The following RILPL2 variants were observed in gnomAD, a reference collection of about 807,000 sequenced individuals.
RILPL2 encodes Rab interacting lysosomal protein like 2.
A neutral mutation model predicts 22.2 loss-of-function variants in RILPL2; 19 were observed. That is an observed-to-expected ratio of 0.86 (90% confidence interval 0.60 to 1.25). The LOEUF is 1.25. Ranked by LOEUF, RILPL2 falls within the 50% of genes most tolerant of loss-of-function variation. The probability of loss-of-function intolerance (pLI) is 0.00; values close to 1 mark genes in which losing one functional copy is unlikely to be tolerated. For missense variants in RILPL2, 243 were observed against 263.6 expected, an observed-to-expected ratio of 0.92 and a Z score of 0.54; for synonymous variants, 123 against 111.6, an observed-to-expected ratio of 1.10 and a Z score of -0.64.
chr12:123,423,067 C>T lies in RILPL2; in HGVS notation c.582G>A (p.Glu194=), dbSNP rs765636820. Reference sequence around the variant, plus strand: ...ACAGCTTTTTTATGATTGTCTTCTCCTCCTTGTTCCTGCCAGCATTTTTGG... The same window carrying T: ...ACAGCTTTTTTATGATTGTCTTCTCTTCCTTGTTCCTGCCAGCATTTTTGG... ...TSAKNAGRNK[E]EKTIIKKLFF... The change falls in exon 3 of 4, where the codon GAG becomes GAA. Residue 194 remains glutamate, a synonymous_variant. Transcript: ENST00000280571. The T allele has an allele frequency of 3.1e-6, 5 of 1,613,210 alleles. No individual in the cohort carries two copies. The African/African-American group carries it at 5.3e-5, about 17-fold the overall frequency.
the RILPL2 span, among the ~76,000 whole-genome samples, chr12:123,409,544 T>G: frequency 6.7e-6 from 1 of 148,194 alleles, no homozygotes; most frequent in African/African-American, 2.6e-5. Flanking sequence ...AGATTAAAAG[T>G]TAATGCTTTT....
At chr12:123,415,948 G>A in intron 3 of RILPL2, 27 bp from the exon 4 acceptor site, 1 of 1,613,858 alleles carries the variant, frequency 6.2e-7, no homozygotes, top group Non-Finnish European at 8.5e-7. Context: ...GAGGGTTCAG[G>A]GTAAGCAGAA....
intron 2 of RILPL2, among the ~76,000 whole-genome samples, chr12:123,430,282 G>A (rs1054974370): frequency 9.2e-5 from 14 of 151,394 alleles, no homozygotes; most frequent in East Asian, 3.9e-4. Context: ...GGTGGCGGGC[G>A]CCTGTAGTCC....
intron 2 of RILPL2, among the ~76,000 whole-genome samples, chr12:123,428,177 C>T (rs1879496000): frequency 6.6e-6 from 1 of 152,166 alleles, no homozygotes. Context: ...CGCTCTTCCG[C>T]CCAGGCTGGA....
chr12:123,436,322 G>T lies in RILPL2; in HGVS notation c.99C>A (p.Pro33=). Residue 33 remains proline (P), a synonymous_variant, in exon 1 of 4, where the codon CCC becomes CCA. Transcript: ENST00000280571. This position sits in a 1 kb window ranked among gnomAD's most constrained non-coding sequence, Gnocchi z 6.7. ...VGPEGALGKS[P]FQLTAEDVYD... is the part of the protein sequence containing the mutation. ...ACACGTCCTCGGCGGTCAGCTGGAA[G>T]GGGCTCTTGCCCAGCGCCCCCTCGG... 6.3e-7 allele frequency: 1 copy of T among 1,580,042 alleles called. No homozygotes were observed. The highest frequency in any genetic ancestry group is 1.8e-5 in the Admixed American group (1 of 54,264).
rs182259999 is a variant in RILPL2 at position 123,422,309 on chromosome 12, A to C, written c.605+735T>G. On this transcript the variant is annotated intron_variant, in intron 3 of 3. Transcript: ENST00000280571. ...AGGCTGAGGCAGGTTGGTCACGAGG[A>C]GTTCAAGACCAGCCTGTCCAACATG... 3.3e-3 allele frequency among the ~76,000 whole-genome samples: 496 copies of C among 152,068 alleles called. 1 individual carries two copies. The highest frequency in any genetic ancestry group is 0.011 in the African/African-American group (466 of 41,516).
Position 123,431,537 on chromosome 12 carries a change from A to G in RILPL2, c.340-878T>C, listed in dbSNP as rs368035082. The stretch of plus-strand genomic sequence containing the variant: ...TGAACTGTACACTTAAAAATAGTTA[A>G]GATGGGCCGGGCACGGTGGCTCACG... On this transcript the variant is annotated intron_variant, in intron 1 of 3. Coordinates refer to ENST00000280571, the MANE Select transcript of RILPL2 (RefSeq NM_145058.3). 1.4e-3 allele frequency among the ~76,000 whole-genome samples: 212 copies of G among 152,202 alleles called. 7 individuals are homozygous for G. In the South Asian group the frequency reaches 0.044, roughly 31 times the overall value.
At chr12:123,424,989 C>T (rs1879400978) in intron 2 of RILPL2, among the ~76,000 whole-genome samples, 1 of 152,152 alleles carries the variant, frequency 6.6e-6, no homozygotes, top group Admixed American at 6.5e-5. Context: ...ACGCCATTCT[C>T]CTGCCTCAGC....
intron 2 of RILPL2, among the ~76,000 whole-genome samples, chr12:123,425,206 C>T (rs1441752304): frequency 6.6e-6 from 1 of 150,834 alleles, no homozygotes; most frequent in East Asian, 1.9e-4. Flanking sequence ...GATGGAGTTT[C>T]ACTATTGTTG....
chr12:123,430,272 G>C (rs573941874), intron 2 of RILPL2, among the ~76,000 whole-genome samples: 1 of 151,608 alleles, frequency 6.6e-6, no homozygotes, highest in Non-Finnish European at 1.5e-5. Context: ...AGCCAGGCAC[G>C]GTGGCGGGCG....
the RILPL2 span, among the ~76,000 whole-genome samples, chr12:123,409,763 G>A: frequency 7.7e-6 from 1 of 129,378 alleles, no homozygotes; most frequent in Non-Finnish European, 1.5e-5. Flanking sequence ...ATTTCACTCT[G>A]TTGCCCAGGT....
At chr12:123,429,666 G>A (rs1237460990) in intron 2 of RILPL2, among the ~76,000 whole-genome samples, 1 of 151,642 alleles carries the variant, frequency 6.6e-6, no homozygotes, top group Non-Finnish European at 1.5e-5. Context: ...GAGTGCAGAG[G>A]CGTGATCTCG....
intron 3 of RILPL2, among the ~76,000 whole-genome samples, chr12:123,419,114 C>T (rs1879204526): frequency 6.6e-6 from 1 of 151,518 alleles, no homozygotes; most frequent in Admixed American, 6.6e-5. Context: ...GGGTTCACGC[C>T]ATTCTCCTGC....
intron 3 of RILPL2, among the ~76,000 whole-genome samples, chr12:123,418,371 C>A (rs1408661976): frequency 1.3e-5 from 2 of 152,138 alleles, no homozygotes; most frequent in Non-Finnish European, 2.9e-5. Context: ...AAAGATAACC[C>A]AAATCTAAAG....
At chr12:123,418,560 A>G (rs1879181984) in intron 3 of RILPL2, among the ~76,000 whole-genome samples, 1 of 152,112 alleles carries the variant, frequency 6.6e-6, no homozygotes, top group South Asian at 2.1e-4. Context: ...AGCACCTACA[A>G]CAGTGCCTGG....
downstream of RILPL2, chr12:123,411,552 C>CTTTTTTTTTTTTTTTTTTTTTTTTTTTTT (rs557553934): frequency 1.2e-5 from 1 of 86,214 alleles, no homozygotes; most frequent in Non-Finnish European, 2.1e-5. Context: ...GCTTGAAAAC[C>CTTTTTTTTTTTTTTTTTTTTTTTTTTTTT]TTTTTTTTTT....
At chr12:123,421,143 A>G (rs1365373869) in intron 3 of RILPL2, among the ~76,000 whole-genome samples, 1 of 151,824 alleles carries the variant, frequency 6.6e-6, no homozygotes, top group African/African-American at 2.4e-5. Flanking sequence ...CCCAAGCTCA[A>G]GTGATTCTCC....
Position 123,436,114 on chromosome 12 carries a change from G to A in RILPL2, c.307C>T (p.Leu103=), listed in dbSNP as rs1291497631. The change falls in exon 1 of 4, where the codon CTG becomes TTG. Residue 103 remains leucine, a synonymous_variant. Transcript: ENST00000280571. The surrounding 1 kb of genome is among the most constrained non-coding windows in gnomAD (Gnocchi z 6.7). ...RDHLRKEVEG[L]RRQSPPASGE... ...CTGGCCGGAGGGCTCTGTCTCCGCA[G>A]CCCCTCCACCTCCTTCCTGAGGTGG... 1 of 1,587,942 alleles carries A rather than the reference G, an allele frequency of 6.3e-7. No individual in the cohort carries two copies.
In RILPL2 at chr12:123,424,283, A is replaced by G. The variant is rs1165133122; in HGVS notation, c.492-1126T>C. On this transcript the variant is annotated intron_variant, in intron 2 of 3. Transcript: ENST00000280571. ...AGAAGGAAACAGTCAATAAAGAAAT[A>G]AGTAAAATAAAAGTATAAATTGTAA... Among the ~76,000 whole-genome samples, 3 of 152,174 alleles carry G rather than the reference A, an allele frequency of 2.0e-5. No homozygotes were observed. In the East Asian group the frequency reaches 5.8e-4, roughly 29 times the overall value.
Sources: gnomAD v4.1 joint callset for allele counts (sites outside exome capture counted in the v4.1 genomes callset) on GRCh38, gnomAD v4.1.1 for gene constraint, Gnocchi (gnomAD v3.1) non-coding constraint, MANE v1.5 for transcripts, NCBI Gene and HGNC (gene_info 2026-07-23, HGNC 2026-07-21) for gene names.